The following LRRC56 variants were observed in gnomAD, a reference collection of about 807,000 sequenced individuals.
LRRC56 encodes the protein leucine rich repeat containing 56, also known as leucine-rich repeat-containing protein 56.
In LRRC56, 41 loss-of-function variants were observed where a neutral mutation model predicts 47.8. The observed-to-expected ratio is 0.86, with a 90% CI of 0.67 to 1.11. LRRC56 has a LOEUF of 1.11. LRRC56 is among the 50% of genes most tolerant of loss of function. The probability of loss-of-function intolerance (pLI) is 0.00; values close to 1 mark genes in which losing one functional copy is unlikely to be tolerated. For missense variants in LRRC56, 759 were observed against 704.2 expected (o/e 1.08, Z -0.88); for synonymous variants, 387 against 311.2 (o/e 1.24, Z -2.56).
At position 545,061 on chromosome 11, in the gene LRRC56, C is replaced by T. The variant is rs1014722160; in HGVS notation, c.326+281C>T. On this transcript the variant is annotated intron_variant, in intron 6 of 13. Transcript: ENST00000270115. ...ACGAGGTCCTGGGCCAGCCTGACTC[C>T]CGGGGGTCCTGCCTATGCCCTGTGG... Among the ~76,000 whole-genome samples the T allele has an allele frequency of 3.9e-5, 6 of 152,088 alleles. No individual in the cohort carries two copies. The East Asian group carries it at 1.2e-3, about 29-fold the overall frequency.
At chr11:525,500 C>T in the LRRC56 span, among the ~76,000 whole-genome samples, 2 of 151,708 alleles carry the variant, frequency 1.3e-5, no homozygotes, top group Non-Finnish European at 2.9e-5. Context: ...GATCGCGCCA[C>T]TGCACTCCAG....
rs1239627342 is a variant in LRRC56 at position 541,491 on chromosome 11, G to A, written c.178-46G>A. On this transcript the variant is annotated intron_variant, in intron 4 of 13. Transcript: ENST00000270115. This position sits in a 1 kb window ranked among gnomAD's most constrained non-coding sequence, Gnocchi z 4.1. ...AGCCAGAAGCAAGGATGGAACTAAA[G>A]TGGGGAGAGCCAGGACCAGCGCTGA... 7 of 1,160,388 alleles carry A rather than the reference G, an allele frequency of 6.0e-6. No homozygotes were observed. Among genetic ancestry groups the A allele is most frequent in the Non-Finnish European group, 8.5e-6 (7 of 826,754 alleles). The allele number at this position is 1,160,388 out of a possible 1,614,324, so 71.9% of individuals were successfully genotyped here. A position where few individuals can be genotyped will look rare whatever the true frequency, so the allele number is the denominator to read the frequency against.
At chr11:532,765 G>A (rs1589789759), upstream of LRRC56, 1 of 1,612,072 alleles carries the variant, frequency 6.2e-7, no homozygotes, top group Non-Finnish European at 8.5e-7. Context: ...CCTGGGAAAG[G>A]AGGGATGGGA....
intron 6 of LRRC56, 59 bp downstream of exon 6, chr11:544,839 C>A (rs1851992621): frequency 6.6e-7 from 1 of 1,514,876 alleles, no homozygotes; most frequent in Non-Finnish European, 9.1e-7. Context: ...ATGGGACAGG[C>A]CCTGCAGGGA....
At chr11:526,604 T>C in the LRRC56 span, among the ~76,000 whole-genome samples, 3 of 152,278 alleles carry the variant, frequency 2.0e-5, no homozygotes, top group African/African-American at 7.2e-5. Context: ...TAAATATTCT[T>C]TAGCAGGTGA....
In LRRC56 at chr11:549,927, C is replaced by T; in HGVS notation, c.352C>T (p.Leu118=). ...LRDLGTSLGH[L]QVLWLARCGL... ...GGACTTGGGCACGTCTCTGGGCCACCTGCAGGTGCTGTGGCTGGCTCGCTG... is the reference window on the plus strand; with the variant it reads ...GGACTTGGGCACGTCTCTGGGCCACTTGCAGGTGCTGTGGCTGGCTCGCTG... The change falls in exon 7 of 14, where the codon CTG becomes TTG. Residue 118 remains leucine (L), a synonymous_variant. Coordinates refer to ENST00000270115, the MANE Select transcript of LRRC56 (RefSeq NM_198075.4). 6.2e-7 allele frequency: 1 copy of T among 1,613,012 alleles called. No homozygotes were observed. The highest frequency in any genetic ancestry group is 8.5e-7 in the Non-Finnish European group (1 of 1,179,914).
At chr11:538,237 G>A (rs958896324) in intron 1 of LRRC56, among the ~76,000 whole-genome samples, 1 of 152,212 alleles carries the variant, frequency 6.6e-6, no homozygotes, top group South Asian at 2.1e-4. Context: ...CTTGGGCACA[G>A]AGGAGACAAG....
chr11:510,506 G>A, the LRRC56 span, among the ~76,000 whole-genome samples: 4 of 152,154 alleles, frequency 2.6e-5, no homozygotes, highest in Non-Finnish European at 4.4e-5. Context: ...GGGAGGCCAA[G>A]GCAGGCAGAT....
the LRRC56 span, among the ~76,000 whole-genome samples, chr11:510,652 C>T: frequency 6.6e-6 from 1 of 152,108 alleles, no homozygotes; most frequent in African/African-American, 2.4e-5. Flanking sequence ...GCATAAGAAT[C>T]GCTTGAACCC....
At chr11:520,945 C>T in the LRRC56 span, among the ~76,000 whole-genome samples, 3 of 152,226 alleles carry the variant, frequency 2.0e-5, no homozygotes, top group Non-Finnish European at 2.9e-5. Flanking sequence ...GAGACCGCGT[C>T]GGTTATTCAT....
chr11:537,493 G>T (rs1385630519), upstream of LRRC56: 1 of 152,276 alleles, frequency 6.6e-6, no homozygotes, highest in Non-Finnish European at 1.5e-5. Context: ...ATGGCGCCCA[G>T]GCCGCAACCC....
At chr11:519,244 C>G in the LRRC56 span, among the ~76,000 whole-genome samples, 5 of 150,184 alleles carry the variant, frequency 3.3e-5, no homozygotes, top group African/African-American at 4.9e-5. Flanking sequence ...GGAACGTGGC[C>G]TGATACACAG....
chr11:544,146 G>A (rs965977407), intron 5 of LRRC56, among the ~76,000 whole-genome samples: 4 of 152,234 alleles, frequency 2.6e-5, no homozygotes, highest in African/African-American at 9.6e-5. Context: ...TTTTCCTGGG[G>A]CCTTGGGCTG....
the LRRC56 span, among the ~76,000 whole-genome samples, chr11:518,516 A>G: frequency 1.3e-5 from 2 of 151,762 alleles, no homozygotes; most frequent in Non-Finnish European, 2.9e-5. Flanking sequence ...GTTGGTAGAG[A>G]TGGGGTTTCA....
the LRRC56 span, chr11:528,375 C>T: frequency 3.3e-5 from 5 of 152,222 alleles, no homozygotes; most frequent in African/African-American, 4.8e-5. Context: ...CCTCCACCCC[C>T]TCGGCAGCCC....
the LRRC56 span, chr11:529,670 A>C: frequency 6.6e-6 from 1 of 152,322 alleles, no homozygotes; most frequent in Non-Finnish European, 1.5e-5. Flanking sequence ...ACCCAGATCT[A>C]TGGGGCCCAG....
chr11:537,960 C>A (rs1360702401), intron 1 of LRRC56, among the ~76,000 whole-genome samples: 1 of 152,108 alleles, frequency 6.6e-6, no homozygotes. Context: ...AGCAGGGGAC[C>A]CAGAGGTGAT....
the LRRC56 span, among the ~76,000 whole-genome samples, chr11:521,613 A>G: frequency 6.6e-6 from 1 of 152,138 alleles, no homozygotes; most frequent in Non-Finnish European, 1.5e-5. Context: ...CAGCCAAGAG[A>G]TATTTTCAAA....
At chr11:532,691 T>C (rs913523409), upstream of LRRC56, 1 of 1,613,068 alleles carries the variant, frequency 6.2e-7, no homozygotes, top group Non-Finnish European at 8.5e-7. Context: ...ATCAGGAGGG[T>C]TCAGCTTCCG....
Sources: allele counts gnomAD v4.1 joint callset (sites outside exome capture counted in the v4.1 genomes callset), GRCh38; gene constraint gnomAD v4.1.1; non-coding constraint Gnocchi (gnomAD v3.1); transcripts MANE v1.5; gene names NCBI Gene and HGNC (gene_info 2026-07-23, HGNC 2026-07-21).